The following IL34 variants were observed in gnomAD, a reference collection of about 807,000 sequenced individuals.
IL34 encodes the protein interleukin 34.
IL34 carries 17 observed loss-of-function variants against 25.3 expected under a neutral mutation model. The observed-to-expected ratio is 0.67, with a 90% confidence interval of 0.46 to 1.01. The LOEUF is 1.01. IL34 is among the 50% of genes least tolerant of loss of function. The pLI, the probability that IL34 is intolerant of heterozygous loss-of-function variation, is 0.00. For synonymous variants in IL34, 174 were observed against 140.9 expected (o/e 1.23, Z -1.66); for missense variants, 368 against 312.9 (o/e 1.18, Z -1.33).
Position 70,646,696 on chromosome 16 carries a change from T to C in IL34, c.-252T>C. ...GACCCCCAAGCCACCGGCTCAGACC[T>C]GCTTCTGGGCTGCCATGGGACTTGC... is the stretch of plus-strand genomic sequence containing the variant. On this transcript the variant is annotated 5_prime_UTR_variant, in exon 1 of 6. Transcript: ENST00000288098. The C allele has an allele frequency of 2.1e-6, 1 of 470,938 alleles. No individual in the cohort carries two copies. The highest frequency in any genetic ancestry group is 3.7e-6 in the Non-Finnish European group (1 of 270,420). The allele number at this position is 470,938 out of a possible 1,614,324, so 29.2% of individuals were successfully genotyped here. A position where few individuals can be genotyped will look rare whatever the true frequency, so the allele number is the denominator to read the frequency against.
At chr16:70,655,126 C>T (rs1332248434) in intron 2 of IL34, among the ~76,000 whole-genome samples, 2 of 151,196 alleles carry the variant, frequency 1.3e-5, no homozygotes, top group Non-Finnish European at 2.9e-5. Flanking sequence ...AATCTTGGCT[C>T]ACTGCAACCT....
rs182823003 is a variant in IL34 at position 70,601,820 on chromosome 16, C to G, written c.-401+21771C>G. On this transcript the variant is annotated intron_variant, in intron 1 of 6. Coordinates refer to the IL34 transcript ENST00000429149. Reference sequence around the variant, plus strand: ...ACCTGGGAGGGGCCTTCTCATGGCCCTGGCAGAGCCAAGGATGCCTTTGTC... The same window carrying G: ...ACCTGGGAGGGGCCTTCTCATGGCCGTGGCAGAGCCAAGGATGCCTTTGTC... 7.2e-5 allele frequency among the ~76,000 whole-genome samples: 11 copies of G among 152,344 alleles called. No individual in the cohort carries two copies. The East Asian group carries it at 1.9e-3, about 27-fold the overall frequency.
At chr16:70,652,290 T>C (rs952028063) in intron 1 of IL34, among the ~76,000 whole-genome samples, 22 of 151,232 alleles carry the variant, frequency 1.5e-4, no homozygotes, top group Non-Finnish European at 8.8e-5. Flanking sequence ...ACCTCCTCTC[T>C]ACAAAAAATT....
upstream of IL34, among the ~76,000 whole-genome samples, chr16:70,645,815 A>T (rs1016626565): frequency 1.3e-5 from 2 of 152,116 alleles, no homozygotes; most frequent in Admixed American, 6.6e-5. Context: ...GCACTTTGGG[A>T]GGCCAAGACA....
chr16:70,659,115 C>T (rs550665557), intron 4 of IL34, among the ~76,000 whole-genome samples: 8 of 152,234 alleles, frequency 5.3e-5, no homozygotes, highest in Middle Eastern at 3.4e-3. Context: ...CTTGGTGCCA[C>T]GGTGCACCCC....
At position 70,646,829 on chromosome 16, in the gene IL34, C is replaced by T; in HGVS notation, c.-119C>T. 1 of 987,304 alleles carries T rather than the reference C, an allele frequency of 1.0e-6. No homozygotes were observed. Among genetic ancestry groups the T allele is most frequent in the Non-Finnish European group, 1.4e-6 (1 of 702,048 alleles). 61.2% of individuals were successfully genotyped at this position (987,304 alleles called of 1,614,324 possible). On this transcript the variant is annotated 5_prime_UTR_variant, in exon 1 of 6. Transcript: ENST00000288098. ...GCCCAGCCACTCCTCCAGGGCCAGC[C>T]CTTCCCTGACTGAGTGACCACCTCT...
chr16:70,601,902 C>T (rs1182590063), intron 1 of IL34, among the ~76,000 whole-genome samples: 1 of 152,364 alleles, frequency 6.6e-6, no homozygotes, highest in South Asian at 2.1e-4. Flanking sequence ...AGCCCGAGCC[C>T]AGACAGAGAG....
At chr16:70,635,888 T>G (rs1362336288) in intron 1 of IL34, among the ~76,000 whole-genome samples, 3 of 152,124 alleles carry the variant, frequency 2.0e-5, no homozygotes, top group Admixed American at 6.6e-5. Flanking sequence ...AGTAAATCCT[T>G]ACATAGCCCT....
chr16:70,607,852 C>T (rs903058616), intron 1 of IL34, among the ~76,000 whole-genome samples: 4 of 150,170 alleles, frequency 2.7e-5, no homozygotes, highest in Admixed American at 1.3e-4. Context: ...GTAACCTCTG[C>T]CTCCTGGGTT....
chr16:70,609,395 G>C (rs1402168634), intron 1 of IL34, among the ~76,000 whole-genome samples: 2 of 152,122 alleles, frequency 1.3e-5, no homozygotes, highest in Non-Finnish European at 2.9e-5. Context: ...TGGGATTCTT[G>C]AATCTTATGC....
At chr16:70,613,572 T>C (rs1374932777) in intron 1 of IL34, among the ~76,000 whole-genome samples, 1 of 152,100 alleles carries the variant, frequency 6.6e-6, no homozygotes, top group East Asian at 1.9e-4. Flanking sequence ...ACCTGGGAGC[T>C]TGTCAGAAAT....
chr16:70,654,825 A>T (rs550718498), intron 2 of IL34, among the ~76,000 whole-genome samples, 154 bp downstream of exon 2: 2 of 151,970 alleles, frequency 1.3e-5, no homozygotes, highest in East Asian at 3.9e-4. Flanking sequence ...CTACCCATGC[A>T]CCTGGTCTGC....
At chr16:70,641,900 C>T (rs75166797), upstream of IL34, among the ~76,000 whole-genome samples, 1 of 152,070 alleles carries the variant, frequency 6.6e-6, no homozygotes, top group Admixed American at 6.6e-5. Flanking sequence ...CACTAAAAAT[C>T]CTCATTAGTT....
chr16:70,616,448 T>C lies in IL34; in HGVS notation c.-400-30100T>C, dbSNP rs115013161. On this transcript the variant is annotated intron_variant, in intron 1 of 6. Coordinates refer to the IL34 transcript ENST00000429149. ...AATTTGTTATGAAAAAATTTTAATT[T>C]ATAATGTGTTTAAGGCCTATGTATT... Among the ~76,000 whole-genome samples, 1,244 of 152,338 alleles carry C rather than the reference T, an allele frequency of 8.2e-3. 20 individuals carry two copies. Among genetic ancestry groups the C allele is most frequent in the African/African-American group, 0.028 (1,174 of 41,584 alleles).
intron 1 of IL34, among the ~76,000 whole-genome samples, chr16:70,596,010 CAAA>C (rs201758396): frequency 1.2e-4 from 11 of 94,952 alleles, no homozygotes; most frequent in Admixed American, 3.1e-4. Context: ...GACCCCGTCT[CAAA>C]AAAAAAAAAA....
At chr16:70,591,068 C>G (rs1377169477) in intron 1 of IL34, among the ~76,000 whole-genome samples, 1 of 152,274 alleles carries the variant, frequency 6.6e-6, no homozygotes, top group African/African-American at 2.4e-5. Context: ...CCAAGCGAGA[C>G]TGGGAGAGCC....
chr16:70,656,325 C>G (rs1474191438), intron 2 of IL34, among the ~76,000 whole-genome samples: 1 of 152,130 alleles, frequency 6.6e-6, no homozygotes, highest in Non-Finnish European at 1.5e-5. Context: ...TCAAGACCAG[C>G]CTGGGCAACA....
chr16:70,630,868 C>T (rs114088109), intron 1 of IL34, among the ~76,000 whole-genome samples: 5,183 of 152,144 alleles, frequency 0.034, 325 homozygotes, highest in African/African-American at 0.12. Flanking sequence ...CCACCAAGCT[C>T]GGGTCACATT....
At chr16:70,621,214 G>C (rs1597752495) in intron 1 of IL34, among the ~76,000 whole-genome samples, 1 of 152,108 alleles carries the variant, frequency 6.6e-6, no homozygotes, top group African/African-American at 2.4e-5. Flanking sequence ...TGCATGGTCT[G>C]ACACCCTTGA....
Sources: allele counts gnomAD v4.1 joint callset (sites outside exome capture counted in the v4.1 genomes callset), GRCh38; gene constraint gnomAD v4.1.1; transcripts MANE v1.5; gene names NCBI Gene and HGNC (gene_info 2026-07-23, HGNC 2026-07-21).